PALD1: variants seen among roughly 807,000 people sequenced by gnomAD.
PALD1 encodes phosphatase domain containing paladin 1, also known as paladin.
Under a neutral mutation model 96.0 loss-of-function variants are expected in PALD1, and 57 were observed. The ratio of observed to expected loss-of-function variants is 0.59; its 90% CI spans 0.48 to 0.74. The LOEUF (loss-of-function observed/expected upper bound fraction) is 0.74, where lower values mean the gene tolerates loss of function less well. Ranked by LOEUF, PALD1 falls within the 30% of genes least tolerant of loss-of-function variation. PALD1 has a pLI of 0.00. For synonymous variants in PALD1, 464 were observed against 473.6 expected, an observed-to-expected ratio of 0.98 and a Z score of 0.26; for missense variants, 1,063 against 1,143.7, an observed-to-expected ratio of 0.93 and a Z score of 1.02.
chr10:70,561,173 G>A (rs982257977), intron 18 of PALD1, among the ~76,000 whole-genome samples: 6 of 151,984 alleles, frequency 3.9e-5, no homozygotes, highest in Non-Finnish European at 5.9e-5. Flanking sequence ...ATCCTTACCC[G>A]TGTCTCTTGC....
chr10:70,546,288 C>T (rs564864842), intron 17 of PALD1, among the ~76,000 whole-genome samples: 1 of 152,302 alleles, frequency 6.6e-6, no homozygotes, highest in South Asian at 2.1e-4. Context: ...ATCAGCTTAA[C>T]ATTCCATGGG....
At position 70,547,328 on chromosome 10, in the gene PALD1, T is replaced by C. The variant is rs757741108; in HGVS notation, c.2144T>C (p.Leu715Pro). ...CAGGTAGTAATGAAGGTGGTGCAGC[T>C]GCTACCCGATGGGCACCGTGTGAAG... Reference protein sequence around the residue: ...EFQVVMKVVQLLPDGHRVKKE... With the variant: ...EFQVVMKVVQPLPDGHRVKKE... Residue 715 changes from leucine (L) to proline (P), a missense_variant, in exon 18 of 20, where the codon CTG becomes CCG. By Grantham distance (98) the Leu-to-Pro change is moderately conservative (BLOSUM62 -3). Coordinates refer to ENST00000263563, the MANE Select transcript of PALD1 (RefSeq NM_014431.3). The C allele has an allele frequency of 1.2e-6, 2 of 1,613,572 alleles. No individual in the cohort carries two copies. The highest frequency in any genetic ancestry group is 1.3e-5 in the African/African-American group (1 of 74,892).
intron 17 of PALD1, among the ~76,000 whole-genome samples, chr10:70,544,437 GCT>G (rs1319809726): frequency 6.6e-6 from 1 of 152,092 alleles, no homozygotes; most frequent in Non-Finnish European, 1.5e-5. Flanking sequence ...TTGTGATCAG[GCT>G]CTCAGTCTGG....
chr10:70,540,277 T>C lies in PALD1; in HGVS notation c.1908+515T>C, dbSNP rs376158763. Among the ~76,000 whole-genome samples, 15 of 150,318 alleles carry C rather than the reference T, an allele frequency of 1.0e-4. No homozygotes were observed. Among genetic ancestry groups the C allele is most frequent in the African/African-American group, 3.7e-4 (15 of 40,816 alleles). On this transcript the variant is annotated intron_variant, in intron 15 of 19. Transcript: ENST00000263563. The surrounding 1 kb of genome is among the most constrained non-coding windows in gnomAD (Gnocchi z 4.2). Reference sequence around the variant, plus strand: ...GACTGTGTATGGAGTGTGTGGGTGGTGTGTGGAATGTGTGTGTGTGTGCAT... The same window carrying C: ...GACTGTGTATGGAGTGTGTGGGTGGCGTGTGGAATGTGTGTGTGTGTGCAT...
intron 18 of PALD1, among the ~76,000 whole-genome samples, chr10:70,562,830 A>C (rs905894224): frequency 6.6e-6 from 1 of 151,794 alleles, no homozygotes; most frequent in Non-Finnish European, 1.5e-5. Flanking sequence ...GCCCTGTAGG[A>C]GAGCCTGGCT....
chr10:70,523,543 C>T (rs1388049671), intron 1 of PALD1, among the ~76,000 whole-genome samples: 3 of 152,092 alleles, frequency 2.0e-5, no homozygotes, highest in Non-Finnish European at 2.9e-5. Flanking sequence ...AGTGAGGGGG[C>T]CACTGCAGAG....
At chr10:70,505,637 AACAAAACAAAAAAAC>A (rs1846372382) in intron 1 of PALD1, among the ~76,000 whole-genome samples, 1 of 142,280 alleles carries the variant, frequency 7.0e-6, no homozygotes, top group Admixed American at 7.1e-5. Flanking sequence ...AACAAAACAA[AACAAAACAAAAAAAC>A]AAATCAGAAA....
intron 1 of PALD1, among the ~76,000 whole-genome samples, chr10:70,480,202 T>G (rs1453618652): frequency 3.9e-5 from 6 of 152,210 alleles, no homozygotes; most frequent in South Asian, 2.1e-4. Context: ...CTCCCAGGTT[T>G]GTTTGTTTCC....
rs751312004 is a variant in PALD1, at chr10:70,538,349, G to A, written c.1393G>A (p.Val465Met). Residue 465 changes from valine (V) to methionine (M), a missense_variant, in exon 12 of 20, where the codon GTG (valine) becomes ATG (methionine). Transcript: ENST00000263563. ...CCACCCTGAGCTGTACCGCCTGCCC[G>A]TGACGCTGAGCTCAGCAGGCCCTGT... is the stretch of plus-strand genomic sequence containing the variant. ...CAHPELYRLP[V>M]TLSSAGPVAP... 19 of 1,609,754 alleles carry A rather than the reference G, an allele frequency of 1.2e-5. No individual in the cohort carries two copies. The highest frequency in any genetic ancestry group is 1.6e-4 in the Middle Eastern group (1 of 6,078).
At chr10:70,529,485 G>A (rs1417474555) in intron 3 of PALD1, among the ~76,000 whole-genome samples, 154 bp downstream of exon 3, 7 of 151,846 alleles carry the variant, frequency 4.6e-5, no homozygotes, top group South Asian at 2.1e-4. Flanking sequence ...AGCTAGCACC[G>A]TGATCCTCTG....
chr10:70,533,051 C>A lies in PALD1; in HGVS notation c.851C>A (p.Ala284Asp), dbSNP rs1235659079. The change falls in exon 7 of 20, where the codon GCC (alanine) becomes GAC (aspartate). Residue 284 changes from alanine (A) to aspartate (D), a missense_variant. Ala to Asp is a moderately radical substitution (Grantham distance 126). Coordinates refer to ENST00000263563, the MANE Select transcript of PALD1 (RefSeq NM_014431.3). ...QGSPLEAQLDAFVSVLRETPS... is the reference protein window; with the variant it reads ...QGSPLEAQLDDFVSVLRETPS... ...AGTCCCCTGGAGGCCCAGTTGGACG[C>A]CTTTGTCAGTGTTCTCCGGGTAACT... 1.9e-6 allele frequency: 3 copies of A among 1,583,180 alleles called. No homozygotes were observed. Among genetic ancestry groups the A allele is most frequent in the Non-Finnish European group, 2.6e-6 (3 of 1,164,008 alleles).
At chr10:70,519,703 T>C (rs1057199986) in intron 1 of PALD1, among the ~76,000 whole-genome samples, 3 of 151,710 alleles carry the variant, frequency 2.0e-5, no homozygotes, top group Non-Finnish European at 4.4e-5. Flanking sequence ...CCCTCCCGAG[T>C]AGCTGGGATT....
At chr10:70,532,272 G>A (rs931629373) in intron 5 of PALD1, among the ~76,000 whole-genome samples, 8 of 152,162 alleles carry the variant, frequency 5.3e-5, no homozygotes, top group South Asian at 4.1e-4. Flanking sequence ...CCATGCCGGC[G>A]CCCAGCTCTT....
chr10:70,498,004 C>T lies in PALD1; in HGVS notation c.-30+18945C>T, dbSNP rs34457224. ...TCATTAAGAGCATCCATATTGTGCA[C>T]CCATCACCACCATCCAGCCCCAGAA... On this transcript the variant is annotated intron_variant, in intron 1 of 19. Coordinates refer to ENST00000263563, the MANE Select transcript of PALD1 (RefSeq NM_014431.3). Among the ~76,000 whole-genome samples the T allele has an allele frequency of 3.3e-5, 5 of 151,772 alleles. No individual in the cohort carries two copies. The East Asian group carries it at 7.8e-4, about 24-fold the overall frequency.
At chr10:70,516,822 G>A in intron 1 of PALD1, among the ~76,000 whole-genome samples, 1 of 151,954 alleles carries the variant, frequency 6.6e-6, no homozygotes, top group East Asian at 1.9e-4. Flanking sequence ...ACCTCTCAAT[G>A]TGCTATTATG....
At chr10:70,476,723 G>T (rs2132244256), upstream of PALD1, among the ~76,000 whole-genome samples, 1 of 152,236 alleles carries the variant, frequency 6.6e-6, no homozygotes, top group Non-Finnish European at 1.5e-5. Context: ...CTGTGTGTGT[G>T]GTGAGTACAA....
chr10:70,538,988 A>C lies in PALD1; in HGVS notation c.1549A>C (p.Thr517Pro), dbSNP rs761822601. 6.2e-7 allele frequency: 1 copy of C among 1,613,824 alleles called. No individual in the cohort carries two copies. ...GGTGCCCCGCATGCCCATCTACGGC[A>C]CGGCCCAGCCCAGCGCCAAGGTGAC... Reference protein sequence around the residue: ...RRVPRMPIYGTAQPSAKALGS... With the variant: ...RRVPRMPIYGPAQPSAKALGS... The change falls in exon 13 of 20, where the codon ACG becomes CCG. Residue 517 changes from threonine to proline, a missense_variant. Coordinates refer to ENST00000263563, the MANE Select transcript of PALD1 (RefSeq NM_014431.3).
the PALD1 span, among the ~76,000 whole-genome samples, chr10:70,465,532 C>T: frequency 9.2e-5 from 14 of 152,090 alleles, no homozygotes; most frequent in Middle Eastern, 3.2e-3. Flanking sequence ...TGTCATTTGC[C>T]GTCATCGTCA....
intron 1 of PALD1, among the ~76,000 whole-genome samples, chr10:70,522,759 C>A (rs1169843220): frequency 6.6e-6 from 1 of 152,198 alleles, no homozygotes; most frequent in East Asian, 1.9e-4. Context: ...TTTGCTGACC[C>A]CTGTCCCTGG....
Sources: gnomAD v4.1 joint callset for allele counts (sites outside exome capture counted in the v4.1 genomes callset) on GRCh38, gnomAD v4.1.1 for gene constraint, Gnocchi (gnomAD v3.1) non-coding constraint, MANE v1.5 for transcripts, NCBI Gene and HGNC (gene_info 2026-07-23, HGNC 2026-07-21) for gene names.